RBFOX1: variants seen among roughly 807,000 people sequenced by gnomAD.
The protein encoded by RBFOX1 is RNA binding protein fox-1 homolog 1.
RBFOX1 carries 8 observed loss-of-function variants against 57.7 expected under a neutral mutation model. The observed-to-expected ratio is 0.14, with a 90% confidence interval of 0.08 to 0.25. RBFOX1 has a LOEUF of 0.25. Ranked by LOEUF, RBFOX1 falls within the 10% of genes least tolerant of loss-of-function variation. The pLI, the probability that RBFOX1 is intolerant of heterozygous loss-of-function variation, is 1.00. For missense variants in RBFOX1, 611 were observed against 548.5 expected (o/e 1.11, Z -1.14); for synonymous variants, 326 against 222.4 (o/e 1.47, Z -4.15).
intron 4 of RBFOX1, among the ~76,000 whole-genome samples, chr16:7,175,122 T>G (rs1429980301): frequency 6.6e-6 from 1 of 152,078 alleles, no homozygotes; most frequent in Non-Finnish European, 1.5e-5. Context: ...CTTGGTGGTT[T>G]GCTGCACCTA....
intron 4 of RBFOX1, among the ~76,000 whole-genome samples, chr16:7,294,527 A>G (rs1423809400): frequency 8.8e-6 from 1 of 113,924 alleles, no homozygotes; most frequent in Admixed American, 8.5e-5. Flanking sequence ...TTGGCAAGAA[A>G]AAAAAAAAAA....
intron 4 of RBFOX1, among the ~76,000 whole-genome samples, chr16:7,378,115 G>T (rs2097718064): frequency 6.6e-6 from 1 of 152,186 alleles, no homozygotes; most frequent in Non-Finnish European, 1.5e-5. Flanking sequence ...TTGAGAAGTA[G>T]ATCAGTCAGA....
chr16:5,911,823 A>G (rs2058608717), intron 4 of RBFOX1, among the ~76,000 whole-genome samples: 1 of 152,108 alleles, frequency 6.6e-6, no homozygotes, highest in African/African-American at 2.4e-5. Flanking sequence ...TTCTTTTATA[A>G]GGCCACTCAT....
intron 3 of RBFOX1, among the ~76,000 whole-genome samples, chr16:6,828,192 G>C (rs547231203): frequency 6.6e-6 from 1 of 152,084 alleles, no homozygotes; most frequent in African/African-American, 2.4e-5. Context: ...CACTTCCCTT[G>C]CCCGTAGAAG....
At chr16:5,745,047 AC>A (rs2052922653) in intron 3 of RBFOX1, among the ~76,000 whole-genome samples, 1 of 152,082 alleles carries the variant, frequency 6.6e-6, no homozygotes, top group Non-Finnish European at 1.5e-5. Context: ...GTACCCATTA[AC>A]TTGTCATTTA....
At chr16:7,022,013 T>TCCCCCTCCCCCTCCCCTC (rs1464800376) in intron 3 of RBFOX1, among the ~76,000 whole-genome samples, 1 of 12,688 alleles carries the variant, frequency 7.9e-5, no homozygotes, top group Non-Finnish European at 1.1e-4. Flanking sequence ...TCCCTCCCCT[T>TCCCCCTCCCCCTCCCCTC]CCCTTCCCCC....
At chr16:7,306,350 G>A (rs947044930) in intron 4 of RBFOX1, among the ~76,000 whole-genome samples, 1 of 152,068 alleles carries the variant, frequency 6.6e-6, no homozygotes, top group Non-Finnish European at 1.5e-5. Flanking sequence ...TCTCTCCCAC[G>A]AGGAAAAACA....
chr16:5,649,173 A>G, intron 3 of RBFOX1, among the ~76,000 whole-genome samples: 1 of 152,134 alleles, frequency 6.6e-6, no homozygotes, highest in Middle Eastern at 3.4e-3. Context: ...GTACATATGT[A>G]TATATGTACT....
chr16:7,208,298 T>A (rs2090412340), intron 4 of RBFOX1, among the ~76,000 whole-genome samples: 1 of 152,176 alleles, frequency 6.6e-6, no homozygotes, highest in African/African-American at 2.4e-5. Flanking sequence ...TGGAGACAGT[T>A]TGTCTTAGTT....
At chr16:6,805,207 A>T (rs2086457395) in intron 3 of RBFOX1, among the ~76,000 whole-genome samples, 1 of 152,224 alleles carries the variant, frequency 6.6e-6, no homozygotes, top group South Asian at 2.1e-4. Context: ...AATACTATGC[A>T]GCCATAAAAA....
chr16:5,321,324 T>C (rs1567330973), intron 1 of RBFOX1, among the ~76,000 whole-genome samples: 3 of 64,632 alleles, frequency 4.6e-5, no homozygotes, highest in African/African-American at 9.4e-5. Flanking sequence ...GAGATAACTT[T>C]TGTTTTTTTT....
intron 9 of RBFOX1, among the ~76,000 whole-genome samples, chr16:7,602,116 A>G (rs138184408): frequency 1.3e-5 from 2 of 152,300 alleles, no homozygotes; most frequent in Non-Finnish European, 2.9e-5. Context: ...CCTTAAGAGA[A>G]AGCCTGTGCT....
intron 4 of RBFOX1, among the ~76,000 whole-genome samples, chr16:7,066,395 A>G (rs903258228): frequency 3.3e-5 from 5 of 152,208 alleles, no homozygotes; most frequent in African/African-American, 9.6e-5. Flanking sequence ...CGAGAAGGGT[A>G]TGGTTTTCTT....
chr16:7,114,573 A>G (rs74008807), intron 4 of RBFOX1, among the ~76,000 whole-genome samples: 3,891 of 152,220 alleles, frequency 0.026, 104 homozygotes, highest in African/African-American at 0.065. Context: ...AATACCATCT[A>G]TTTATCTCCT....
chr16:5,292,744 C>G (rs2063565878), intron 1 of RBFOX1, among the ~76,000 whole-genome samples: 1 of 152,108 alleles, frequency 6.6e-6, no homozygotes, highest in Non-Finnish European at 1.5e-5. Flanking sequence ...CTGCCTCAGC[C>G]TCCTGAGTAG....
At chr16:5,332,943 T>C (rs372869026) in intron 1 of RBFOX1, among the ~76,000 whole-genome samples, 2 of 152,130 alleles carry the variant, frequency 1.3e-5, no homozygotes, top group East Asian at 3.9e-4. Context: ...CCCAGCACTT[T>C]GGGAGGCCAA....
chr16:6,622,287 G>A (rs756728604), intron 2 of RBFOX1, among the ~76,000 whole-genome samples: 5 of 152,114 alleles, frequency 3.3e-5, no homozygotes, highest in Admixed American at 2.6e-4. Context: ...GGTCCTATAA[G>A]ATTATAATGG....
At chr16:5,972,975 C>T (rs1383029720) in intron 4 of RBFOX1, among the ~76,000 whole-genome samples, 1 of 152,160 alleles carries the variant, frequency 6.6e-6, no homozygotes, top group Non-Finnish European at 1.5e-5. Flanking sequence ...TCCCGTATAG[C>T]TACAGAAAGT....
chr16:6,573,503 C>A (rs1163950483), intron 2 of RBFOX1, among the ~76,000 whole-genome samples: 1 of 152,188 alleles, frequency 6.6e-6, no homozygotes, highest in Non-Finnish European at 1.5e-5. Flanking sequence ...TTAAAAAATT[C>A]TTCTGATTTA....
Sources: allele counts gnomAD v4.1 joint callset (sites outside exome capture counted in the v4.1 genomes callset), GRCh38; gene constraint gnomAD v4.1.1; transcripts MANE v1.5; gene names NCBI Gene and HGNC (gene_info 2026-07-23, HGNC 2026-07-21).